The following DZANK1 variants were observed in gnomAD, a reference collection of about 807,000 sequenced individuals.
DZANK1 encodes double zinc ribbon and ankyrin repeat domains 1.
DZANK1 carries 91 observed loss-of-function variants against 94.5 expected under a neutral mutation model. The ratio of observed to expected loss-of-function variants is 0.96; its 90% confidence interval spans 0.81 to 1.15. The LOEUF is 1.15. Ranked by LOEUF, DZANK1 falls within the 50% of genes most tolerant of loss-of-function variation. The probability of loss-of-function intolerance (pLI) is 0.00; values close to 1 mark genes in which losing one functional copy is unlikely to be tolerated. For missense variants in DZANK1, 903 were observed against 916.4 expected (o/e 0.99, Z 0.19); for synonymous variants, 312 against 325.3 (o/e 0.96, Z 0.44).
intron 13 of DZANK1, among the ~76,000 whole-genome samples, chr20:18,407,204 G>T (rs2148385195): frequency 6.6e-6 from 1 of 152,314 alleles, no homozygotes; most frequent in African/African-American, 2.4e-5. Flanking sequence ...TCCCAATAGT[G>T]GTGGCCACAG....
chr20:18,420,752 A>G, intron 10 of DZANK1: 1 of 183,546 alleles, frequency 5.4e-6, no homozygotes, highest in Non-Finnish European at 1.2e-5. Context: ...TAACAACTTG[A>G]GCTTCCTAAC....
chr20:18,413,854 T>TTATAATA (rs1487528443), intron 12 of DZANK1, among the ~76,000 whole-genome samples: 37 of 152,178 alleles, frequency 2.4e-4, no homozygotes, highest in African/African-American at 8.9e-4. Context: ...GATCAATCTT[T>TTATAATA]AACTTCTTAT....
chr20:18,400,403 G>A (rs1442165227), intron 13 of DZANK1, among the ~76,000 whole-genome samples: 1 of 152,198 alleles, frequency 6.6e-6, no homozygotes, highest in African/African-American at 2.4e-5. Context: ...TCTGCTCCCC[G>A]GCTCCCTTGC....
chr20:18,456,222 G>A (rs181814357), intron 3 of DZANK1, among the ~76,000 whole-genome samples: 1 of 152,166 alleles, frequency 6.6e-6, no homozygotes, highest in African/African-American at 2.4e-5. Context: ...AATATATGCT[G>A]CTCTGGTAGA....
intron 8 of DZANK1, among the ~76,000 whole-genome samples, chr20:18,438,040 A>C (rs543497665): frequency 6.6e-6 from 1 of 151,796 alleles, no homozygotes; most frequent in African/African-American, 2.4e-5. Context: ...AACATGGTGA[A>C]ACCCCGTCTC....
chr20:18,392,129 A>G (rs188520881), intron 17 of DZANK1, among the ~76,000 whole-genome samples: 24 of 152,140 alleles, frequency 1.6e-4, no homozygotes, highest in Non-Finnish European at 2.8e-4. Flanking sequence ...TGCAAATGAG[A>G]AAAAAAAGCC....
intron 2 of DZANK1, among the ~76,000 whole-genome samples, chr20:18,461,122 C>T (rs2059457677): frequency 6.6e-6 from 1 of 152,198 alleles, no homozygotes; most frequent in African/African-American, 2.4e-5. Flanking sequence ...AGTGAAAAGT[C>T]TCCCCCAACC....
intron 13 of DZANK1, among the ~76,000 whole-genome samples, chr20:18,405,298 G>C (rs187690415): frequency 5.1e-4 from 78 of 152,194 alleles, no homozygotes; most frequent in South Asian, 3.7e-3. Flanking sequence ...TAGCAGAAAA[G>C]TACAATAACT....
At chr20:18,390,961 C>T (rs573463932) in intron 17 of DZANK1, among the ~76,000 whole-genome samples, 16 of 152,206 alleles carry the variant, frequency 1.1e-4, no homozygotes, top group African/African-American at 2.9e-4. Flanking sequence ...TTTGGGAGGC[C>T]AAGGCATGCA....
In DZANK1 at chr20:18,455,240, T is replaced by G. The variant is rs2059243803; in HGVS notation, c.378+7A>C. On this transcript the variant is annotated splice_region_variant and intron_variant, in intron 4 of 20. Transcript: ENST00000262547. ...CAATCTGAATGGATTATAGTTTCAT[T>G]ACTTGCCTGCCTTGAAGAATCTTTG... The G allele has an allele frequency of 6.3e-7, 1 of 1,586,228 alleles. No homozygotes were observed.
chr20:18,419,550 C>T lies in DZANK1; in HGVS notation c.955-4101G>A, dbSNP rs1038102642. 2.6e-5 allele frequency among the ~76,000 whole-genome samples: 4 copies of T among 152,188 alleles called. No individual in the cohort carries two copies. In the East Asian group the frequency reaches 7.7e-4, roughly 29 times the overall value. ...CTTAAAAGCAGCAAGAGAAAAATGA[C>T]ACATCCCGTACATGAAAATGTCAAT... is the stretch of plus-strand genomic sequence containing the variant. On this transcript the variant is annotated intron_variant, in intron 10 of 20. Transcript: ENST00000262547.
rs567574362 is a variant in DZANK1 at position 18,393,190 on chromosome 20, C to T, written c.1809+521G>A. Reference sequence around the variant, plus strand: ...AAAAGCTTCATCCCAAGCTGAAACCCGTGAGAGCGCTTCACACACCAACAC... The same window carrying T: ...AAAAGCTTCATCCCAAGCTGAAACCTGTGAGAGCGCTTCACACACCAACAC... On this transcript the variant is annotated intron_variant, in intron 17 of 20. Coordinates refer to ENST00000262547, the Ensembl canonical transcript of DZANK1. Among the ~76,000 whole-genome samples, 7 of 152,198 alleles carry T rather than the reference C, an allele frequency of 4.6e-5. No individual in the cohort carries two copies. In the South Asian group the frequency reaches 1.2e-3, roughly 27 times the overall value.
intron 4 of DZANK1, 99 bp from the exon 5 acceptor site, chr20:18,453,926 G>T: frequency 2.3e-6 from 2 of 855,800 alleles, no homozygotes; most frequent in Non-Finnish European, 4.0e-6. Context: ...TTTCTTATTT[G>T]AAAGAGTTTA....
chr20:18,396,675 T>C (rs953721650), intron 14 of DZANK1, 129 bp from the exon 15 acceptor site: 9 of 602,892 alleles, frequency 1.5e-5, no homozygotes, highest in Admixed American at 7.2e-5. Context: ...CAGAAGAAAG[T>C]AGGAAAAGAA....
chr20:18,414,297 G>C (rs1334023079), intron 12 of DZANK1, 51 bp downstream of exon 12: 2 of 1,599,938 alleles, frequency 1.3e-6, no homozygotes, highest in East Asian at 4.5e-5. Context: ...CACACATTCA[G>C]AGTTACAGCC....
intron 18 of DZANK1, among the ~76,000 whole-genome samples, 167 bp from the exon 19 acceptor site, chr20:18,389,995 G>T (rs553799236): frequency 2.0e-5 from 3 of 152,278 alleles, no homozygotes; most frequent in East Asian, 1.9e-4. Flanking sequence ...GATCTACGAT[G>T]AACAGAGCTA....
intron 2 of DZANK1, 45 bp from the exon 3 acceptor site, chr20:18,460,351 C>T (rs181865396): frequency 2.1e-6 from 3 of 1,400,370 alleles, no homozygotes; most frequent in Non-Finnish European, 2.9e-6. Flanking sequence ...ACCAAAGTAG[C>T]AAGTCCCTGA....
rs2059285854 is a variant in DZANK1, at chr20:18,456,270, CATA to C, written c.264-912_264-910del. Among the ~76,000 whole-genome samples, 3 of 152,174 alleles carry C rather than the reference CATA, an allele frequency of 2.0e-5. No individual in the cohort carries two copies. In the South Asian group the frequency reaches 6.2e-4, roughly 32 times the overall value. On this transcript the variant is annotated intron_variant, in intron 3 of 20. Coordinates refer to ENST00000262547, the Ensembl canonical transcript of DZANK1. ...AATACTATCATGTTTTCCATTCATT[CATA>C]ATATTTCACAATTCATCTTGTTCTC...
intron 9 of DZANK1, 159 bp downstream of exon 9, chr20:18,433,493 G>C (rs1442394779): frequency 3.2e-6 from 2 of 616,168 alleles, no homozygotes; most frequent in Non-Finnish European, 5.6e-6. Flanking sequence ...AGTGAGCTGA[G>C]ATTGCGCTAC....
Sources: gnomAD v4.1 joint callset for allele counts (sites outside exome capture counted in the v4.1 genomes callset) on GRCh38, gnomAD v4.1.1 for gene constraint, MANE v1.5 for transcripts, NCBI Gene and HGNC (gene_info 2026-07-23, HGNC 2026-07-21) for gene names.